The following MYO1A variants were observed in gnomAD, a reference collection of about 807,000 sequenced individuals.
MYO1A encodes myosin IA, also known as unconventional myosin-Ia.
MYO1A carries 127 observed loss-of-function variants against 138.5 expected under a neutral mutation model. The observed-to-expected ratio is 0.92, with a 90% CI of 0.79 to 1.06. The LOEUF is 1.06. Among genes scored for constraint, MYO1A ranks in the 50% least tolerant of loss-of-function variants. The pLI is 0.00. For synonymous variants in MYO1A, 477 were observed against 497.5 expected (o/e 0.96, Z 0.55); for missense variants, 1,211 against 1,288.8 (o/e 0.94, Z 0.92).
intron 17 of MYO1A, 115 bp from the exon 18 acceptor site, chr12:57,038,184 G>A: frequency 7.7e-7 from 1 of 1,305,544 alleles, no homozygotes; most frequent in Non-Finnish European, 1.1e-6. Flanking sequence ...TTCAAAGAAA[G>A]TAGACACACT....
At position 57,041,100 on chromosome 12, in the gene MYO1A, G is replaced by C. The variant is rs1447077522; in HGVS notation, c.1269+84C>G. ...TGTTCACATCTGGGGACGATGTAGAGGAAATTGTGATCAAGGAGAAAGGAA... is the reference window on the plus strand; with the variant it reads ...TGTTCACATCTGGGGACGATGTAGACGAAATTGTGATCAAGGAGAAAGGAA... On this transcript the variant is annotated intron_variant, in intron 14 of 27. Coordinates refer to ENST00000300119, the MANE Select transcript of MYO1A (RefSeq NM_005379.4). The C allele has an allele frequency of 5.9e-6, 6 of 1,013,898 alleles. No individual in the cohort carries two copies. The African/African-American group carries it at 7.9e-5, about 13-fold the overall frequency. The allele number at this position is 1,013,898 out of a possible 1,614,324, so 62.8% of individuals were successfully genotyped here. A position where few individuals can be genotyped will look rare whatever the true frequency, so the allele number is the denominator to read the frequency against.
chr12:57,051,192 A>G (rs1184569620), upstream of MYO1A: 1 of 152,208 alleles, frequency 6.6e-6, no homozygotes, highest in African/African-American at 2.4e-5. Flanking sequence ...TGCTTGGTGC[A>G]AGGTCCAAAC....
At chr12:57,048,534 G>T (rs1168733200) in intron 1 of MYO1A, among the ~76,000 whole-genome samples, 191 bp from the exon 2 acceptor site, 2 of 152,210 alleles carry the variant, frequency 1.3e-5, no homozygotes, top group East Asian at 3.8e-4. Context: ...CTCAGCAGGA[G>T]GTGGGGGAGA....
rs200268795 is a variant in MYO1A at position 57,037,870 on chromosome 12, G to A, written c.1960C>T (p.Arg654Trp). The change falls in exon 18 of 28, where the codon CGG (arginine) becomes TGG (tryptophan). Residue 654 changes from arginine (R) to tryptophan (W), a missense_variant and splice_region_variant. By Grantham distance (101) the Arg-to-Trp change is moderately radical. Coordinates refer to ENST00000300119, the MANE Select transcript of MYO1A (RefSeq NM_005379.4). ...STWPHWNGGD[R>W]EGVEKVLGEL... is the part of the protein sequence containing the mutation. ...CCCAGTCTCCCCATGGGGTCTTACC[G>A]GTCTCCCCCATTCCAGTGAGGCCAG... 2.5e-5 allele frequency: 40 copies of A among 1,613,824 alleles called. No individual in the cohort carries two copies. Among genetic ancestry groups the A allele is most frequent in the Non-Finnish European group, 3.0e-5 (35 of 1,179,976 alleles).
intron 10 of MYO1A, 52 bp from the exon 11 acceptor site, chr12:57,043,410 G>C (rs2030952776): frequency 2.6e-6 from 4 of 1,538,552 alleles, no homozygotes; most frequent in Non-Finnish European, 3.6e-6. Flanking sequence ...TTCTCTCAGG[G>C]GAGGGAGTGC....
intron 1 of MYO1A, among the ~76,000 whole-genome samples, chr12:57,049,091 A>T (rs2031243802): frequency 6.6e-6 from 1 of 152,202 alleles, no homozygotes; most frequent in African/African-American, 2.4e-5. Flanking sequence ...TAGCTTTTAC[A>T]CCCACTCCTG....
In MYO1A at chr12:57,038,905, A is replaced by G. The variant is rs373794543; in HGVS notation, c.1437T>C (p.His479=). The change falls in exon 16 of 28, where the codon CAT becomes CAC. Residue 479 remains histidine, a synonymous_variant. Transcript: ENST00000300119. ...LAKLNQLFSK[H]GHYESKVTQN... The stretch of plus-strand genomic sequence containing the variant: ...GGGTGACTTTGCTCTCGTAGTGGCC[A>G]TGCTTGGAGAAGAGCTGGTTCAGCT... 1 of 1,614,080 alleles carries G rather than the reference A, an allele frequency of 6.2e-7. No homozygotes were observed. Among genetic ancestry groups the G allele is most frequent in the African/African-American group, 1.3e-5 (1 of 74,926 alleles).
chr12:57,046,535 C>T lies in MYO1A; in HGVS notation c.640+17G>A, dbSNP rs753853677. On this transcript the variant is annotated intron_variant, in intron 8 of 27. Transcript: ENST00000300119. ...ATGTGTCACTCATGAGGACACTTTC[C>T]CCATGCAGGCACATACTCAGCAGCT... 2 of 1,603,434 alleles carry T rather than the reference C, an allele frequency of 1.2e-6. No homozygotes were observed. The highest frequency in any genetic ancestry group is 1.1e-5 in the South Asian group (1 of 90,866).
chr12:57,048,154 G>A, intron 2 of MYO1A, 50 bp from the exon 3 acceptor site: 5 of 1,594,838 alleles, frequency 3.1e-6, no homozygotes, highest in Admixed American at 1.7e-5. Flanking sequence ...TGAGGTGGGA[G>A]CCTGTGACCT....
intron 8 of MYO1A, 88 bp from the exon 9 acceptor site, chr12:57,044,297 G>T: frequency 9.8e-7 from 1 of 1,015,826 alleles, no homozygotes; most frequent in Non-Finnish European, 1.5e-6. Flanking sequence ...TTGCCCTAAT[G>T]GATTCATTCA....
At chr12:57,030,841 G>A (rs2136434465) in intron 23 of MYO1A, among the ~76,000 whole-genome samples, 199 bp downstream of exon 23, 1 of 152,238 alleles carries the variant, frequency 6.6e-6, no homozygotes, top group East Asian at 1.9e-4. Context: ...TGGCAGTGAT[G>A]GCTGCAGAAC....
At chr12:57,049,151 C>T (rs772577482) in intron 1 of MYO1A, among the ~76,000 whole-genome samples, 1 of 152,188 alleles carries the variant, frequency 6.6e-6, no homozygotes, top group Non-Finnish European at 1.5e-5. Flanking sequence ...TAGCTTCTTG[C>T]GGGAGTGGGC....
intron 14 of MYO1A, 34 bp from the exon 15 acceptor site, chr12:57,039,308 C>T (rs576588068): frequency 2.2e-5 from 35 of 1,563,398 alleles, no homozygotes; most frequent in African/African-American, 6.8e-5. Flanking sequence ...ACAGGGAACA[C>T]GTCCAAGACA....
chr12:57,043,416 A>T lies in MYO1A; in HGVS notation c.893-58T>A, dbSNP rs188346555. 99 of 1,519,988 alleles carry T rather than the reference A, an allele frequency of 6.5e-5. No homozygotes were observed. In the East Asian group the frequency reaches 2.2e-3, roughly 33 times the overall value. 94.2% of individuals were successfully genotyped at this position (1,519,988 alleles called of 1,614,324 possible). On this transcript the variant is annotated intron_variant, in intron 10 of 27. Coordinates refer to ENST00000300119, the MANE Select transcript of MYO1A (RefSeq NM_005379.4). The stretch of plus-strand genomic sequence containing the variant: ...GAGGCAGCTTTCTCTCAGGGGAGGG[A>T]GTGCAATCTGATAAGTGAAACTGCC...
At position 57,048,200 on chromosome 12, in the gene MYO1A, T is replaced by C; in HGVS notation, c.114+10A>G. The C allele has an allele frequency of 1.2e-6, 2 of 1,611,196 alleles. No individual in the cohort carries two copies. Among genetic ancestry groups the C allele is most frequent in the Non-Finnish European group, 1.7e-6 (2 of 1,177,278 alleles). ...ATATCCACAGCCAGAGGCACCCATA[T>C]GACACTCACATAAATCTCCTTGTTT... On this transcript the variant is annotated intron_variant, in intron 2 of 27. Coordinates refer to ENST00000300119, the MANE Select transcript of MYO1A (RefSeq NM_005379.4).
In MYO1A at chr12:57,038,081, TG is replaced by T. The variant is rs757869341; in HGVS notation, c.1761-13del. On this transcript the variant is annotated splice_polypyrimidine_tract_variant and intron_variant, in intron 17 of 27. Coordinates refer to ENST00000300119, the MANE Select transcript of MYO1A (RefSeq NM_005379.4). ...TGGGCTTTATGCACCTGGTGGGAGGTGGGGTAAGGCACAGCCTTCAGGAGCT... is the reference window on the plus strand; with the variant it reads ...TGGGCTTTATGCACCTGGTGGGAGGTGGGTAAGGCACAGCCTTCAGGAGCT... 2.8e-5 allele frequency: 45 copies of T among 1,613,470 alleles called. No individual in the cohort carries two copies. The African/African-American group carries it at 5.6e-4, about 20-fold the overall frequency.
chr12:57,039,697 A>C (rs1298511068), intron 14 of MYO1A, among the ~76,000 whole-genome samples: 1 of 151,892 alleles, frequency 6.6e-6, no homozygotes, highest in Non-Finnish European at 1.5e-5. Flanking sequence ...AACAAGGCTA[A>C]TTTGATACAT....
At chr12:57,033,959 C>G (rs1424021920) in intron 22 of MYO1A, among the ~76,000 whole-genome samples, 1 of 152,220 alleles carries the variant, frequency 6.6e-6, no homozygotes, top group Non-Finnish European at 1.5e-5. Context: ...AGTCCCTAGT[C>G]TGATTTTATT....
intron 18 of MYO1A, 51 bp downstream of exon 18, chr12:57,037,818 T>C (rs2136444452): frequency 6.3e-7 from 1 of 1,594,460 alleles, no homozygotes; most frequent in Non-Finnish European, 8.6e-7. Context: ...CCCCCAGAGA[T>C]GTTTCCTGCA....
Sources: gnomAD v4.1 joint callset for allele counts (sites outside exome capture counted in the v4.1 genomes callset) on GRCh38, gnomAD v4.1.1 for gene constraint, MANE v1.5 for transcripts, NCBI Gene and HGNC (gene_info 2026-07-23, HGNC 2026-07-21) for gene names.